ZNF407: variants seen among roughly 807,000 people sequenced by gnomAD.
ZNF407 encodes zinc finger protein 407.
A neutral mutation model predicts 131.2 loss-of-function variants in ZNF407; 17 were observed. That is an observed-to-expected ratio of 0.13 (90% confidence interval 0.09 to 0.19). The LOEUF (loss-of-function observed/expected upper bound fraction) is 0.19. Ranked by LOEUF, ZNF407 falls within the 10% of genes least tolerant of loss-of-function variation. The pLI, the probability that ZNF407 is intolerant of heterozygous loss-of-function variation, is 1.00. For missense variants in ZNF407, 2,681 were observed against 2,830.6 expected, an observed-to-expected ratio of 0.95 and a Z score of 1.20; for synonymous variants, 1,156 against 1,062.0, an observed-to-expected ratio of 1.09 and a Z score of -1.72.
chr18:75,029,502 GCA>G (rs777897881), intron 8 of ZNF407, among the ~76,000 whole-genome samples: 15 of 152,182 alleles, frequency 9.9e-5, no homozygotes, highest in Non-Finnish European at 2.2e-4. Context: ...CGTTCTCACT[GCA>G]CAGTTTCCAT....
chr18:74,776,674 A>T (rs1209239977), intron 3 of ZNF407, among the ~76,000 whole-genome samples: 7 of 152,120 alleles, frequency 4.6e-5, no homozygotes, highest in Non-Finnish European at 5.9e-5. Flanking sequence ...AACACAGCCA[A>T]ACCCCCATGC....
At chr18:75,026,403 A>G (rs552523703) in intron 8 of ZNF407, among the ~76,000 whole-genome samples, 4 of 152,258 alleles carry the variant, frequency 2.6e-5, no homozygotes, top group African/African-American at 9.6e-5. Flanking sequence ...ATTTGCACAC[A>G]TCTTATCCCC....
intron 3 of ZNF407, among the ~76,000 whole-genome samples, chr18:74,648,292 G>T (rs79627328): frequency 1.3e-5 from 2 of 152,138 alleles, no homozygotes; most frequent in Admixed American, 6.5e-5. Context: ...CAACCATGGC[G>T]TGCGGGATGT....
intron 4 of ZNF407, among the ~76,000 whole-genome samples, chr18:74,816,362 A>G (rs565680162): frequency 3.3e-5 from 5 of 152,336 alleles, no homozygotes; most frequent in Admixed American, 2.6e-4. Context: ...AAAAATCAGA[A>G]AGACCTTTTG....
intron 4 of ZNF407, among the ~76,000 whole-genome samples, chr18:74,830,491 A>G (rs1970467642): frequency 6.6e-6 from 1 of 152,078 alleles, no homozygotes; most frequent in African/African-American, 2.4e-5. Context: ...GTTTTGATAC[A>G]TTGTCCAGGC....
intron 4 of ZNF407, among the ~76,000 whole-genome samples, chr18:74,795,068 T>TC (rs1339019001): frequency 4.6e-5 from 7 of 152,306 alleles, no homozygotes; most frequent in Non-Finnish European, 1.0e-4. Flanking sequence ...TCCTTTTTTT[T>TC]CTTTCGATTA....
chr18:74,601,532 G>A (rs1982585056), intron 1 of ZNF407, among the ~76,000 whole-genome samples: 1 of 152,086 alleles, frequency 6.6e-6, no homozygotes, highest in Non-Finnish European at 1.5e-5. Context: ...ACTGGCTCGC[G>A]GTTCTGCAGG....
chr18:74,634,082 C>T lies in ZNF407; in HGVS notation c.3063C>T (p.His1021=), dbSNP rs1984298213. ...GCACAGGTGAGAATAAGTGTTTGCA[C>T]TGTGAGTTTAGTGCTCACTCCTCTG... is the stretch of plus-strand genomic sequence containing the variant. The part of the protein sequence containing the change: ...VTGTGENKCL[H]CEFSAHSSAS... The change falls in exon 2 of 9, where the codon CAC becomes CAT. Residue 1021 remains histidine, a synonymous_variant. Coordinates refer to ENST00000299687, the MANE Select transcript of ZNF407 (RefSeq NM_017757.3). The T allele has an allele frequency of 6.2e-7, 1 of 1,614,056 alleles. No homozygotes were observed. The highest frequency in any genetic ancestry group is 8.5e-7 in the Non-Finnish European group (1 of 1,179,906).
At chr18:75,026,809 G>C (rs1568304937) in intron 8 of ZNF407, among the ~76,000 whole-genome samples, 1 of 152,174 alleles carries the variant, frequency 6.6e-6, no homozygotes, top group Non-Finnish European at 1.5e-5. Flanking sequence ...GTCGATGACT[G>C]CTTCTTCAGA....
chr18:74,804,845 T>C (rs1970084573), intron 4 of ZNF407, among the ~76,000 whole-genome samples: 1 of 152,214 alleles, frequency 6.6e-6, no homozygotes, highest in Non-Finnish European at 1.5e-5. Context: ...CTGAATATTA[T>C]CCTCCTCCAC....
chr18:74,658,013 T>TC (rs770173146), intron 3 of ZNF407, among the ~76,000 whole-genome samples: 9 of 151,822 alleles, frequency 5.9e-5, no homozygotes, highest in Non-Finnish European at 1.2e-4. Flanking sequence ...TCCCTTCCTT[T>TC]CCCTTCTCTT....
chr18:74,834,818 G>C (rs1040667986), intron 4 of ZNF407, among the ~76,000 whole-genome samples: 27 of 152,300 alleles, frequency 1.8e-4, no homozygotes, highest in Admixed American at 1.0e-3. Flanking sequence ...CTAACCACAG[G>C]CTGCCTTTAC....
chr18:74,868,935 C>T (rs1971050241), intron 4 of ZNF407, among the ~76,000 whole-genome samples: 1 of 152,114 alleles, frequency 6.6e-6, no homozygotes. Context: ...TTATAGGTTT[C>T]TACATAGCAT....
At chr18:75,024,974 ATGAATAATGAATCTT>A (rs1973154122) in intron 8 of ZNF407, among the ~76,000 whole-genome samples, 1 of 152,348 alleles carries the variant, frequency 6.6e-6, no homozygotes, top group African/African-American at 2.4e-5. Context: ...GTGTGTTTGC[ATGAATAATGAATCTT>A]TGAATTGTTA....
At chr18:74,729,007 G>A (rs1396923869) in intron 3 of ZNF407, among the ~76,000 whole-genome samples, 1 of 152,158 alleles carries the variant, frequency 6.6e-6, no homozygotes, top group Non-Finnish European at 1.5e-5. Context: ...GTGATGCTTA[G>A]AAGACAGGAG....
chr18:75,037,643 T>C (rs1311568731), intron 8 of ZNF407, among the ~76,000 whole-genome samples: 1 of 152,166 alleles, frequency 6.6e-6, no homozygotes, highest in Non-Finnish European at 1.5e-5. Context: ...GTTAAGACAT[T>C]ATTTTACAGT....
At chr18:74,783,616 A>G (rs1472862443) in intron 4 of ZNF407, among the ~76,000 whole-genome samples, 1 of 144,780 alleles carries the variant, frequency 6.9e-6, no homozygotes, top group African/African-American at 2.6e-5. Flanking sequence ...TTTAATATTT[A>G]TTTCTGTCCT....
In ZNF407 at chr18:74,855,676, T is replaced by C. The variant is rs556504874; in HGVS notation, c.4878-21521T>C. Among the ~76,000 whole-genome samples the C allele has an allele frequency of 2.0e-5, 3 of 152,326 alleles. No individual in the cohort carries two copies. In the East Asian group the frequency reaches 5.8e-4, roughly 29 times the overall value. ...TTTCCACCATAAGATTTCTCAAAAGTTGCAATGGGTTTTGTAAAAATAGCA... is the reference window on the plus strand; with the variant it reads ...TTTCCACCATAAGATTTCTCAAAAGCTGCAATGGGTTTTGTAAAAATAGCA... On this transcript the variant is annotated intron_variant, in intron 4 of 8. Coordinates refer to ENST00000299687, the MANE Select transcript of ZNF407 (RefSeq NM_017757.3).
rs1380094448 is a variant in ZNF407 at position 75,015,512 on chromosome 18, T to A, written c.5429-47638T>A. On this transcript the variant is annotated intron_variant, in intron 8 of 8. Coordinates refer to ENST00000299687, the MANE Select transcript of ZNF407 (RefSeq NM_017757.3). ...GATGAGAATGGAGAATATATATATATAATATATATGTTTATATATAAATGA... is the reference window on the plus strand; with the variant it reads ...GATGAGAATGGAGAATATATATATAAAATATATATGTTTATATATAAATGA... Among the ~76,000 whole-genome samples, 5 of 147,964 alleles carry A rather than the reference T, an allele frequency of 3.4e-5. No homozygotes were observed. The East Asian group carries it at 7.8e-4, about 23-fold the overall frequency.
Sources: allele counts gnomAD v4.1 joint callset (sites outside exome capture counted in the v4.1 genomes callset), GRCh38; gene constraint gnomAD v4.1.1; transcripts MANE v1.5; gene names NCBI Gene and HGNC (gene_info 2026-07-23, HGNC 2026-07-21).